IL6ST: variants seen among roughly 807,000 people sequenced by gnomAD.
IL6ST encodes the protein interleukin 6 cytokine family signal transducer.
Under a neutral mutation model 91.3 loss-of-function variants are expected in IL6ST, and 24 were observed. The ratio of observed to expected loss-of-function variants is 0.26; its 90% CI spans 0.19 to 0.37. The LOEUF (loss-of-function observed/expected upper bound fraction) is 0.37. Among genes scored for constraint, IL6ST ranks in the 10% least tolerant of loss-of-function variants. The probability of loss-of-function intolerance (pLI) is 1.00; values close to 1 mark genes in which losing one functional copy is unlikely to be tolerated. For synonymous variants in IL6ST, 351 were observed against 373.6 expected, an observed-to-expected ratio of 0.94 and a Z score of 0.70; for missense variants, 914 against 1,078.5, an observed-to-expected ratio of 0.85 and a Z score of 2.14.
Position 55,936,443 on chromosome 5 carries a change from T to C in IL6ST, c.*4639A>G, listed in dbSNP as rs750934014. The C allele has an allele frequency of 1.1e-4, 25 of 218,050 alleles. No individual in the cohort carries two copies. The highest frequency in any genetic ancestry group is 2.1e-4 in the Non-Finnish European group (23 of 108,934). 13.5% of individuals were successfully genotyped at this position (218,050 alleles called of 1,614,324 possible). ...TAAATCTGGAAAACTAGTGGATAAA[T>C]TTGCCATCTCCATTCTATGTTATTA... On this transcript the variant is annotated 3_prime_UTR_variant, in exon 17 of 17. Coordinates refer to ENST00000381298, the MANE Select transcript of IL6ST (RefSeq NM_002184.4).
At position 55,936,600 on chromosome 5, in the gene IL6ST, T is replaced by C. The variant is rs1750549744; in HGVS notation, c.*4482A>G. The C allele has an allele frequency of 5.0e-6, 1 of 198,808 alleles. No homozygotes were observed. Among genetic ancestry groups the C allele is most frequent in the Non-Finnish European group, 1.0e-5 (1 of 96,200 alleles). 12.3% of individuals were successfully genotyped at this position (198,808 alleles called of 1,614,324 possible). ...AGCTAACACCACTAATGATAAATGC[T>C]GTTACAAATATGCATAGTCAGATGA... On this transcript the variant is annotated 3_prime_UTR_variant, in exon 17 of 17. Transcript: ENST00000381298.
intron 2 of IL6ST, among the ~76,000 whole-genome samples, chr5:55,979,619 T>A (rs1423094381): frequency 6.6e-6 from 1 of 152,242 alleles, no homozygotes; most frequent in Non-Finnish European, 1.5e-5. Flanking sequence ...TAAATTGGCA[T>A]AAGCTTCCCA....
intron 15 of IL6ST, among the ~76,000 whole-genome samples, chr5:55,944,216 T>G (rs1337507698): frequency 6.6e-6 from 1 of 152,194 alleles, no homozygotes; most frequent in East Asian, 1.9e-4. Context: ...CTATATGTAC[T>G]AGAGGTCTTA....
rs1222956233 is a variant in IL6ST, at chr5:55,940,158, C to T, written c.*924G>A. 5.0e-6 allele frequency: 1 copy of T among 198,058 alleles called. No individual in the cohort carries two copies. The highest frequency in any genetic ancestry group is 2.4e-5 in the African/African-American group (1 of 41,766). 12.3% of individuals were successfully genotyped at this position (198,058 alleles called of 1,614,324 possible). The stretch of plus-strand genomic sequence containing the variant: ...GTATATATATATATATATATACACA[C>T]ATTAGCAATTTAAGCCTTTTAACAT... On this transcript the variant is annotated 3_prime_UTR_variant, in exon 17 of 17. Transcript: ENST00000381298.
chr5:55,960,545 G>A lies in IL6ST; in HGVS notation c.830C>T (p.Thr277Ile), dbSNP rs2111746406. Residue 277 changes from threonine to isoleucine, a missense_variant, in exon 8 of 17, where the codon ACA becomes ATA. Thr to Ile is a moderately conservative substitution (Grantham distance 89). Transcript: ENST00000381298. ...AGTGAATGAAGATCGGGTGGATGCT[G>A]TGTCTTCAGGAGGAATCTGAAACAA... ...STWSQIPPEDTASTRSSFTVQ... is the reference protein window; with the variant it reads ...STWSQIPPEDIASTRSSFTVQ... 6.2e-7 allele frequency: 1 copy of A among 1,612,688 alleles called. No individual in the cohort carries two copies.
chr5:55,946,997 G>A (rs1331572458), intron 15 of IL6ST, among the ~76,000 whole-genome samples: 2 of 152,040 alleles, frequency 1.3e-5, no homozygotes, highest in Non-Finnish European at 2.9e-5. Context: ...GAGGTCAGGA[G>A]TTCGAGACCA....
rs980560203 is a variant in IL6ST at position 55,939,954 on chromosome 5, CCCA to C, written c.*1125_*1127del. The stretch of plus-strand genomic sequence containing the variant: ...TTCTGTTTTGTTTTGGCAAATATTG[CCCA>C]AGTTGTCTTAGTGTGCCTCAAACAT... On this transcript the variant is annotated 3_prime_UTR_variant, in exon 17 of 17. Coordinates refer to ENST00000381298, the MANE Select transcript of IL6ST (RefSeq NM_002184.4). 9.8e-6 allele frequency: 2 copies of C among 203,096 alleles called. No homozygotes were observed. Among genetic ancestry groups the C allele is most frequent in the Admixed American group, 1.2e-4 (2 of 16,728 alleles). The allele number at this position is 203,096 out of a possible 1,614,324, so 12.6% of individuals were successfully genotyped here.
At chr5:55,959,591 T>C in intron 8 of IL6ST, 1 of 1,105,850 alleles carries the variant, frequency 9.0e-7, no homozygotes, top group Non-Finnish European at 1.2e-6. Flanking sequence ...TCATATATAT[T>C]ATCTATAGGA....
intron 3 of IL6ST, among the ~76,000 whole-genome samples, chr5:55,972,032 T>C (rs1300252753): frequency 3.3e-5 from 5 of 152,236 alleles, no homozygotes; most frequent in Admixed American, 1.3e-4. Flanking sequence ...AGTTACTCTC[T>C]GATACTGGGT....
At position 55,939,206 on chromosome 5, in the gene IL6ST, G is replaced by A. The variant is rs1000595863; in HGVS notation, c.*1876C>T. 2 of 214,634 alleles carry A rather than the reference G, an allele frequency of 9.3e-6. No homozygotes were observed. 13.3% of individuals were successfully genotyped at this position (214,634 alleles called of 1,614,324 possible). On this transcript the variant is annotated 3_prime_UTR_variant, in exon 17 of 17. Transcript: ENST00000381298. ...GATGATCAACTTAAAAGCTGGAGAT[G>A]TCATTATCTTGTTGTGTAAATTTGG...
chr5:55,956,179 T>C lies in IL6ST; in HGVS notation c.1113A>G (p.Thr371=). The stretch of plus-strand genomic sequence containing the variant: ...AATTTTGTAAATGTGATTTCCATCT[T>C]GTGAGAGTCACTTCATAATCCAAGA... ...GKILDYEVTL[T]RWKSHLQNYT... The change falls in exon 10 of 17, where the codon ACA becomes ACG. Residue 371 remains threonine (T), a synonymous_variant. Transcript: ENST00000381298. 6.2e-7 allele frequency: 1 copy of C among 1,612,802 alleles called. No homozygotes were observed. The highest frequency in any genetic ancestry group is 8.5e-7 in the Non-Finnish European group (1 of 1,178,784).
chr5:55,992,121 T>TC (rs1332682304), intron 1 of IL6ST, among the ~76,000 whole-genome samples: 1 of 152,278 alleles, frequency 6.6e-6, no homozygotes, highest in East Asian at 1.9e-4. Context: ...ATATGGAATT[T>TC]CCCCCCACTT....
intron 13 of IL6ST, 75 bp from the exon 14 acceptor site, chr5:55,951,679 A>AC: frequency 7.2e-7 from 1 of 1,390,330 alleles, no homozygotes; most frequent in Admixed American, 2.4e-5. Context: ...TGGCATTGTG[A>AC]AAGTGTTAAA....
intron 1 of IL6ST, among the ~76,000 whole-genome samples, chr5:55,992,136 C>T (rs980011162): frequency 1.5e-4 from 23 of 152,300 alleles, no homozygotes; most frequent in African/African-American, 4.8e-4. Context: ...CCACTTCAAA[C>T]ATCTTTGCTG....
intron 1 of IL6ST, among the ~76,000 whole-genome samples, chr5:55,991,814 C>T (rs1309051228): frequency 6.6e-6 from 1 of 151,882 alleles, no homozygotes; most frequent in Non-Finnish European, 1.5e-5. Context: ...CTAGAGAGAA[C>T]TGCTTGCAAT....
intron 1 of IL6ST, among the ~76,000 whole-genome samples, chr5:55,986,625 T>C (rs1286172748): frequency 1.3e-5 from 2 of 152,206 alleles, no homozygotes; most frequent in African/African-American, 2.4e-5. Context: ...TTCTTGACTG[T>C]TCTTTGTTCC....
chr5:55,950,673 G>GC (rs1372422245), intron 14 of IL6ST, among the ~76,000 whole-genome samples: 3 of 151,728 alleles, frequency 2.0e-5, no homozygotes, highest in African/African-American at 7.3e-5. Flanking sequence ...TTCAAGGATG[G>GC]AAGGCCAACA....
chr5:55,955,009 G>C lies in IL6ST; in HGVS notation c.1268-17C>G. On this transcript the variant is annotated splice_polypyrimidine_tract_variant and intron_variant, in intron 10 of 16. Coordinates refer to ENST00000381298, the MANE Select transcript of IL6ST (RefSeq NM_002184.4). Reference sequence around the variant, plus strand: ...GGTGAGTAGCTTTAAAACAAAGTTTGAATATTGAAATAATAAATATTAACA... The same window carrying C: ...GGTGAGTAGCTTTAAAACAAAGTTTCAATATTGAAATAATAAATATTAACA... 1 of 1,498,522 alleles carries C rather than the reference G, an allele frequency of 6.7e-7. No individual in the cohort carries two copies. 92.8% of individuals were successfully genotyped at this position (1,498,522 alleles called of 1,614,324 possible).
chr5:55,961,948 G>A (rs1561177967), intron 7 of IL6ST, among the ~76,000 whole-genome samples: 3 of 152,120 alleles, frequency 2.0e-5, no homozygotes, highest in African/African-American at 7.2e-5. Flanking sequence ...CAAAGAGAAG[G>A]GTAGAGCGTA....
Sources: gnomAD v4.1 joint callset for allele counts (sites outside exome capture counted in the v4.1 genomes callset) on GRCh38, gnomAD v4.1.1 for gene constraint, MANE v1.5 for transcripts, NCBI Gene and HGNC (gene_info 2026-07-23, HGNC 2026-07-21) for gene names.